The following PPFIA1 variants were observed in gnomAD, a reference collection of about 807,000 sequenced individuals.
PPFIA1 encodes the protein liprin-alpha-1.
In PPFIA1, 25 loss-of-function variants were observed where a neutral mutation model predicts 149.9. The ratio of observed to expected loss-of-function variants is 0.17; its 90% CI spans 0.12 to 0.23. The LOEUF (loss-of-function observed/expected upper bound fraction) is 0.23. Among genes scored for constraint, PPFIA1 ranks in the 10% least tolerant of loss-of-function variants. PPFIA1 has a pLI of 1.00. For synonymous variants in PPFIA1, 549 were observed against 552.8 expected (o/e 0.99, Z 0.10); for missense variants, 1,362 against 1,506.5 (o/e 0.90, Z 1.59).
intron 16 of PPFIA1, among the ~76,000 whole-genome samples, chr11:70,349,076 T>G (rs7109643): frequency 0.48 from 69,604 of 145,220 alleles, 19,284 homozygotes; most frequent in African/African-American, 0.78. Context: ...ATGCACAAAG[T>G]GGGTCAGTGC....
At chr11:70,382,303 C>T (rs957386254) in intron 27 of PPFIA1, 145 bp downstream of exon 27, 4 of 529,238 alleles carry the variant, frequency 7.6e-6, no homozygotes, top group Non-Finnish European at 1.4e-5. Flanking sequence ...ACAAGCTCTC[C>T]GTACCCATTA....
At chr11:70,278,068 G>A (rs374399385) in intron 2 of PPFIA1, among the ~76,000 whole-genome samples, 1 of 151,686 alleles carries the variant, frequency 6.6e-6, no homozygotes, top group East Asian at 1.9e-4. Context: ...GTGCCACCAC[G>A]CCCAGCTAAT....
chr11:70,286,740 ATCTTTCTT>A, intron 2 of PPFIA1, among the ~76,000 whole-genome samples: 1 of 143,638 alleles, frequency 7.0e-6, no homozygotes, highest in South Asian at 2.2e-4. Flanking sequence ...TTGCAGCAAG[ATCTTTCTT>A]TCTTTCTTTT....
At chr11:70,356,355 C>A in intron 19 of PPFIA1, 101 bp downstream of exon 19, 1 of 832,352 alleles carries the variant, frequency 1.2e-6, no homozygotes, top group Non-Finnish European at 1.9e-6. Context: ...TGTATATATA[C>A]ATTATATTCT....
At chr11:70,371,812 A>G (rs1440241310) in intron 21 of PPFIA1, 1 of 153,470 alleles carries the variant, frequency 6.5e-6, no homozygotes, top group African/African-American at 2.4e-5. Flanking sequence ...TTAGGAAAAC[A>G]AAGTGTTAAA....
intron 19 of PPFIA1, among the ~76,000 whole-genome samples, chr11:70,359,353 A>AT (rs1565444993): frequency 6.6e-6 from 1 of 152,154 alleles, no homozygotes; most frequent in Non-Finnish European, 1.5e-5. Context: ...TGCTGACTCC[A>AT]TCCATTTCTC....
chr11:70,378,222 C>T (rs1344587370), intron 26 of PPFIA1, 27 bp downstream of exon 26: 3 of 1,599,214 alleles, frequency 1.9e-6, no homozygotes, highest in Admixed American at 3.4e-5. Context: ...ACTAACCTGT[C>T]ACTTGTTGGG....
intron 14 of PPFIA1, among the ~76,000 whole-genome samples, chr11:70,339,998 G>A (rs1335500523): frequency 6.6e-6 from 1 of 151,854 alleles, no homozygotes; most frequent in Non-Finnish European, 1.5e-5. Flanking sequence ...GGCTACAAGA[G>A]TGAAACTCCA....
intron 26 of PPFIA1, among the ~76,000 whole-genome samples, chr11:70,379,086 G>A (rs1168754071): frequency 6.6e-6 from 1 of 152,294 alleles, no homozygotes; most frequent in East Asian, 1.9e-4. Flanking sequence ...ATGATTGAAT[G>A]CCTCATTCAT....
At chr11:70,299,103 G>A (rs1448730964) in intron 2 of PPFIA1, among the ~76,000 whole-genome samples, 1 of 152,184 alleles carries the variant, frequency 6.6e-6, no homozygotes, top group Non-Finnish European at 1.5e-5. Flanking sequence ...GCCAAGCGTG[G>A]TGGTGCACAC....
chr11:70,296,513 C>G (rs551411050), intron 2 of PPFIA1, among the ~76,000 whole-genome samples: 116 of 152,186 alleles, frequency 7.6e-4, no homozygotes, highest in Non-Finnish European at 1.4e-3. Context: ...AACCCCGTCT[C>G]CACCAAAAAA....
At chr11:70,329,756 C>T (rs1338850848) in intron 7 of PPFIA1, 1 of 155,760 alleles carries the variant, frequency 6.4e-6, no homozygotes, top group African/African-American at 2.4e-5. Context: ...AGTAAGACCT[C>T]TATTTCTACA....
chr11:70,330,466 T>A (rs889403465), intron 8 of PPFIA1, 147 bp downstream of exon 8: 18 of 633,890 alleles, frequency 2.8e-5, no homozygotes, highest in Admixed American at 8.3e-5. Flanking sequence ...ATGTGGGAGT[T>A]CCTTCAGTTT....
chr11:70,344,883 G>A (rs960686185), intron 15 of PPFIA1, among the ~76,000 whole-genome samples: 6 of 152,338 alleles, frequency 3.9e-5, no homozygotes, highest in African/African-American at 7.2e-5. Flanking sequence ...TGAACATTTC[G>A]TAGTTCACAG....
chr11:70,271,596 G>T (rs1427236751), intron 1 of PPFIA1, among the ~76,000 whole-genome samples: 1 of 151,958 alleles, frequency 6.6e-6, no homozygotes, highest in Non-Finnish European at 1.5e-5. Flanking sequence ...TTCTACCAGC[G>T]TTTAACGAAT....
chr11:70,361,390 G>A (rs924568763), intron 19 of PPFIA1, among the ~76,000 whole-genome samples: 7 of 152,058 alleles, frequency 4.6e-5, no homozygotes, highest in South Asian at 4.2e-4. Context: ...AATACCCAAC[G>A]GAATGTAAGT....
intron 19 of PPFIA1, among the ~76,000 whole-genome samples, chr11:70,356,632 T>TA: frequency 6.6e-6 from 1 of 152,332 alleles, no homozygotes; most frequent in African/African-American, 2.4e-5. Flanking sequence ...TAGTAGTACA[T>TA]ACCTTGTATG....
intron 19 of PPFIA1, among the ~76,000 whole-genome samples, chr11:70,356,962 G>A (rs2056391833): frequency 6.6e-6 from 1 of 152,194 alleles, no homozygotes; most frequent in Non-Finnish European, 1.5e-5. Context: ...GCATTGTGAT[G>A]CCCCAGGGTG....
At chr11:70,278,623 C>T (rs2050560325) in intron 2 of PPFIA1, among the ~76,000 whole-genome samples, 2 of 152,228 alleles carry the variant, frequency 1.3e-5, no homozygotes, top group South Asian at 2.1e-4. Context: ...GTTACTATAA[C>T]TCTCCATCAC....
Sources: gnomAD v4.1 joint callset for allele counts (sites outside exome capture counted in the v4.1 genomes callset) on GRCh38, gnomAD v4.1.1 for gene constraint, MANE v1.5 for transcripts, NCBI Gene and HGNC (gene_info 2026-07-23, HGNC 2026-07-21) for gene names.